BCAS3: variants seen among roughly 807,000 people sequenced by gnomAD.
BCAS3 encodes the protein BCAS4/BCAS3 fusion.
BCAS3 carries 53 observed loss-of-function variants against 116.1 expected under a neutral mutation model. The observed-to-expected ratio is 0.46, with a 90% CI of 0.37 to 0.57. The LOEUF (loss-of-function observed/expected upper bound fraction) is 0.57. Among genes scored for constraint, BCAS3 ranks in the 20% least tolerant of loss-of-function variants. The probability of loss-of-function intolerance (pLI) is 0.00; values close to 1 mark genes in which losing one functional copy is unlikely to be tolerated. For synonymous variants in BCAS3, 391 were observed against 408.2 expected, an observed-to-expected ratio of 0.96 and a Z score of 0.51; for missense variants, 917 against 1,165.4, an observed-to-expected ratio of 0.79 and a Z score of 3.10.
At chr17:60,703,685 C>T (rs113689593) in intron 4 of BCAS3, among the ~76,000 whole-genome samples, 6,424 of 151,886 alleles carry the variant, frequency 0.042, 368 homozygotes, top group African/African-American at 0.13. Context: ...GAGGCCGAGG[C>T]GGGTGGATCA....
At chr17:60,742,892 T>A (rs2041705102) in intron 5 of BCAS3, among the ~76,000 whole-genome samples, 1 of 151,740 alleles carries the variant, frequency 6.6e-6, no homozygotes, top group Non-Finnish European at 1.5e-5. Context: ...GGTGGGCAGA[T>A]CATGAGGTCA....
At chr17:61,115,277 A>G (rs1184335907) in intron 22 of BCAS3, among the ~76,000 whole-genome samples, 1 of 152,232 alleles carries the variant, frequency 6.6e-6, no homozygotes, top group Non-Finnish European at 1.5e-5. Flanking sequence ...GCACAGCAAA[A>G]GAAACTACCA....
At chr17:60,731,779 T>A (rs1439973505) in intron 5 of BCAS3, among the ~76,000 whole-genome samples, 1 of 148,094 alleles carries the variant, frequency 6.8e-6, no homozygotes, top group African/African-American at 2.6e-5. Flanking sequence ...ATCACCCTCC[T>A]ATTTTTTTTT....
intron 11 of BCAS3, among the ~76,000 whole-genome samples, chr17:60,903,872 C>G (rs187047775): frequency 1.3e-5 from 2 of 152,066 alleles, no homozygotes; most frequent in Non-Finnish European, 2.9e-5. Flanking sequence ...CCACAAAATA[C>G]AACGAGATCT....
intron 22 of BCAS3, among the ~76,000 whole-genome samples, chr17:61,185,893 CTAA>C (rs2079742616): frequency 1.3e-5 from 2 of 152,052 alleles, no homozygotes. Context: ...TAACTTTGTG[CTAA>C]GAAAGCCTTC....
chr17:61,364,480 C>T lies in BCAS3; in HGVS notation c.2426-3847C>T, dbSNP rs59656775. ...CCTGTAATTCCAGCACTTTGGGAGG[C>T]GAAGGTGGGTGGATCACTTGAGCAC... On this transcript the variant is annotated intron_variant, in intron 22 of 23. Coordinates refer to ENST00000407086, the MANE Select transcript of BCAS3 (RefSeq NM_017679.5). The surrounding 1 kb of genome is among the most constrained non-coding windows in gnomAD (Gnocchi z 5.4). Among the ~76,000 whole-genome samples, 2 of 152,174 alleles carry T rather than the reference C, an allele frequency of 1.3e-5. No homozygotes were observed. The highest frequency in any genetic ancestry group is 2.4e-5 in the African/African-American group (1 of 41,442).
At position 60,915,293 on chromosome 17, in the gene BCAS3, C is replaced by T. The variant is rs180787628; in HGVS notation, c.993+4591C>T. Among the ~76,000 whole-genome samples the T allele has an allele frequency of 3.7e-4, 56 of 152,240 alleles. 1 individual carries two copies. In the East Asian group the frequency reaches 0.01, roughly 27 times the overall value. On this transcript the variant is annotated intron_variant, in intron 12 of 23. Transcript: ENST00000407086. ...AAACCTCAGAAAATGGACAATGATA[C>T]ACTCTGTTAACTAGGCTACAGGTCT... is the stretch of plus-strand genomic sequence containing the variant.
rs2070552183 is a variant in BCAS3, at chr17:61,065,798, A to G, written c.2030-9122A>G. Among the ~76,000 whole-genome samples the G allele has an allele frequency of 6.6e-6, 1 of 152,218 alleles. No individual in the cohort carries two copies. Among genetic ancestry groups the G allele is most frequent in the African/African-American group, 2.4e-5 (1 of 41,454 alleles). Reference sequence around the variant, plus strand: ...AACTCAGCTGCCAGTAGGACCCAGTAAACTCACTTGTCCAGATAAGAGCTT... The same window carrying G: ...AACTCAGCTGCCAGTAGGACCCAGTGAACTCACTTGTCCAGATAAGAGCTT... On this transcript the variant is annotated intron_variant, in intron 19 of 23. Coordinates refer to ENST00000407086, the MANE Select transcript of BCAS3 (RefSeq NM_017679.5). The surrounding 1 kb of genome is among the most constrained non-coding windows in gnomAD (Gnocchi z 4.8).
Position 61,319,514 on chromosome 17 carries a change from C to T in BCAS3, c.2426-48813C>T, listed in dbSNP as rs980686750. 6.0e-5 allele frequency among the ~76,000 whole-genome samples: 9 copies of T among 150,866 alleles called. No homozygotes were observed. In the South Asian group the frequency reaches 1.3e-3, roughly 21 times the overall value. On this transcript the variant is annotated intron_variant, in intron 22 of 23. Transcript: ENST00000407086. ...TGAAGATTATAATTAAATAATATGTCGAATGTATTGATCATATTTTTATAC... is the reference window on the plus strand; with the variant it reads ...TGAAGATTATAATTAAATAATATGTTGAATGTATTGATCATATTTTTATAC...
At chr17:61,306,519 G>C (rs1266486477) in intron 22 of BCAS3, among the ~76,000 whole-genome samples, 1 of 152,198 alleles carries the variant, frequency 6.6e-6, no homozygotes, top group Non-Finnish European at 1.5e-5. Context: ...TTTTATGCCT[G>C]TAATCCCAGC....
intron 22 of BCAS3, among the ~76,000 whole-genome samples, chr17:61,191,893 T>A (rs114027183): frequency 0.053 from 8,137 of 152,102 alleles, 735 homozygotes; most frequent in African/African-American, 0.18. Context: ...TGAACAGTAG[T>A]TCGCTCAGAA....
chr17:60,799,163 A>T (rs1019070302), intron 6 of BCAS3, among the ~76,000 whole-genome samples: 1 of 152,192 alleles, frequency 6.6e-6, no homozygotes, highest in Admixed American at 6.5e-5. Context: ...GCAAACCAAA[A>T]TTATTTAATA....
At position 60,797,092 on chromosome 17, in the gene BCAS3, C is replaced by T. The variant is rs374055910; in HGVS notation, c.404-10912C>T. Among the ~76,000 whole-genome samples the T allele has an allele frequency of 4.6e-5, 7 of 151,700 alleles. No homozygotes were observed. In the South Asian group the frequency reaches 6.2e-4, roughly 14 times the overall value. On this transcript the variant is annotated intron_variant, in intron 6 of 23. Transcript: ENST00000407086. ...TGTATTTTTAGTAGAGATGGGGTTT[C>T]GCCACCTTGGCCAGGCTGGTCTTGA...
Position 61,041,733 on chromosome 17 carries a change from A to AT in BCAS3, c.2029+842dup, listed in dbSNP as rs2067525050. The stretch of plus-strand genomic sequence containing the variant: ...TTATTTTATCTTTATAATGTGCTAT[A>AT]TATTATACTGGAAACAGAAATATTT... On this transcript the variant is annotated intron_variant, in intron 19 of 23. Transcript: ENST00000407086. This position sits in a 1 kb window ranked among gnomAD's most constrained non-coding sequence, Gnocchi z 4.7. Among the ~76,000 whole-genome samples, 2 of 152,064 alleles carry AT rather than the reference A, an allele frequency of 1.3e-5. No individual in the cohort carries two copies. The highest frequency in any genetic ancestry group is 2.9e-5 in the Non-Finnish European group (2 of 67,990).
chr17:60,775,420 C>T (rs1313678847), intron 6 of BCAS3, among the ~76,000 whole-genome samples: 1 of 152,076 alleles, frequency 6.6e-6, no homozygotes, highest in African/African-American at 2.4e-5. Flanking sequence ...TTAGTCTTAA[C>T]AACAAGAAGT....
intron 15 of BCAS3, among the ~76,000 whole-genome samples, chr17:61,010,486 T>C (rs1196162064): frequency 1.3e-5 from 2 of 150,498 alleles, no homozygotes; most frequent in Admixed American, 6.6e-5. Flanking sequence ...GTTTTCATAA[T>C]TCCTTTTTTT....
At position 61,204,194 on chromosome 17, in the gene BCAS3, C is replaced by T. The variant is rs897631197; in HGVS notation, c.2425+119630C>T. 2.0e-5 allele frequency among the ~76,000 whole-genome samples: 3 copies of T among 152,110 alleles called. No individual in the cohort carries two copies. Among genetic ancestry groups the T allele is most frequent in the African/African-American group, 4.8e-5 (2 of 41,418 alleles). On this transcript the variant is annotated intron_variant, in intron 22 of 23. Transcript: ENST00000407086. The surrounding 1 kb of genome is among the most constrained non-coding windows in gnomAD (Gnocchi z 4.2). ...TTTTCACAGAGGGAGAGAAACTCTC[C>T]CTCCTCTTTCAGTGTTTTATTTTTA...
chr17:60,980,228 T>C (rs1374847929), intron 14 of BCAS3, among the ~76,000 whole-genome samples: 1 of 152,194 alleles, frequency 6.6e-6, no homozygotes, highest in African/African-American at 2.4e-5. Flanking sequence ...ACTTTCTAAG[T>C]GGCTACACCA....
chr17:60,797,370 A>AT (rs2047305308), intron 6 of BCAS3, among the ~76,000 whole-genome samples: 1 of 151,092 alleles, frequency 6.6e-6, no homozygotes, highest in Non-Finnish European at 1.5e-5. Flanking sequence ...TTATTTATTT[A>AT]TTTATTTATT....
Sources: gnomAD v4.1 joint callset for allele counts (sites outside exome capture counted in the v4.1 genomes callset) on GRCh38, gnomAD v4.1.1 for gene constraint, Gnocchi (gnomAD v3.1) non-coding constraint, MANE v1.5 for transcripts, NCBI Gene and HGNC (gene_info 2026-07-23, HGNC 2026-07-21) for gene names.